The following FUBP3 variants were observed in gnomAD, a reference collection of about 807,000 sequenced individuals.
FUBP3 encodes far upstream element binding protein 3, also known as far upstream element-binding protein 3.
Under a neutral mutation model 85.6 loss-of-function variants are expected in FUBP3, and 28 were observed. The ratio of observed to expected loss-of-function variants is 0.33; its 90% CI spans 0.24 to 0.45. The LOEUF (loss-of-function observed/expected upper bound fraction) is 0.45. Among genes scored for constraint, FUBP3 ranks in the 20% least tolerant of loss-of-function variants. FUBP3 has a pLI of 1.00. For missense variants in FUBP3, 583 were observed against 755.1 expected (o/e 0.77, Z 2.67); for synonymous variants, 271 against 271.4 (o/e 1.00, Z 0.01).
intron 1 of FUBP3, among the ~76,000 whole-genome samples, chr9:130,589,675 G>GTGTA (rs869282275): frequency 1.3e-3 from 43 of 34,236 alleles, no homozygotes; most frequent in African/African-American, 2.8e-3. Flanking sequence ...GTATGTGTGT[G>GTGTA]TATATATATA....
In FUBP3 at chr9:130,635,957, C is replaced by G. The variant is rs200276455; in HGVS notation, c.1583-42C>G. On this transcript the variant is annotated intron_variant, in intron 17 of 18. Transcript: ENST00000319725. This position sits in a 1 kb window ranked among gnomAD's most constrained non-coding sequence, Gnocchi z 4.3. ...TTTGGGAAGGGTCCTGCCCAGTGCA[C>G]CTCCGCTCCCGATAACCTGTGTTTC... The G allele has an allele frequency of 1.2e-6, 2 of 1,602,024 alleles. No individual in the cohort carries two copies.
chr9:130,635,648 T>G lies in FUBP3; in HGVS notation c.1583-351T>G, dbSNP rs1349910974. 3.3e-5 allele frequency among the ~76,000 whole-genome samples: 5 copies of G among 152,014 alleles called. No individual in the cohort carries two copies. Among genetic ancestry groups the G allele is most frequent in the Non-Finnish European group, 5.9e-5 (4 of 67,976 alleles). On this transcript the variant is annotated intron_variant, in intron 17 of 18. Coordinates refer to ENST00000319725, the MANE Select transcript of FUBP3 (RefSeq NM_003934.2). The surrounding 1 kb of genome is among the most constrained non-coding windows in gnomAD (Gnocchi z 4.3). ...TTGGACACTATCACAGGCACCCAAG[T>G]TAGGTACTCCCCTTCTCCCCCACCC...
At chr9:130,629,855 G>A (rs1830140659) in intron 12 of FUBP3, among the ~76,000 whole-genome samples, 1 of 152,218 alleles carries the variant, frequency 6.6e-6, no homozygotes, top group Non-Finnish European at 1.5e-5. Context: ...CCACAGAGTT[G>A]AGCAGAGCAG....
intron 2 of FUBP3, among the ~76,000 whole-genome samples, chr9:130,607,609 G>A (rs528793370): frequency 6.6e-6 from 1 of 152,104 alleles, no homozygotes; most frequent in Non-Finnish European, 1.5e-5. Context: ...CCTCCTCATT[G>A]CGAAGACTGA....
At chr9:130,599,137 A>G (rs930622758) in intron 2 of FUBP3, among the ~76,000 whole-genome samples, 2 of 152,144 alleles carry the variant, frequency 1.3e-5, no homozygotes, top group African/African-American at 4.8e-5. Context: ...CTAAAAATAC[A>G]AAAAATTAGC....
intron 5 of FUBP3, among the ~76,000 whole-genome samples, chr9:130,613,419 T>A (rs1831850448): frequency 6.6e-6 from 1 of 152,232 alleles, no homozygotes; most frequent in Non-Finnish European, 1.5e-5. Flanking sequence ...TGGATGAGAC[T>A]GTCCCTTCCC....
chr9:130,603,337 ACT>A (rs1419481544), intron 2 of FUBP3, among the ~76,000 whole-genome samples: 1 of 113,322 alleles, frequency 8.8e-6, no homozygotes, highest in Non-Finnish European at 1.6e-5. Context: ...ACAGAGCAAG[ACT>A]CTGTCTCCAA....
At position 130,620,466 on chromosome 9, in the gene FUBP3, TA is replaced by T; in HGVS notation, c.771+11del. The T allele has an allele frequency of 7.0e-7, 1 of 1,430,128 alleles. No homozygotes were observed. 88.6% of individuals were successfully genotyped at this position (1,430,128 alleles called of 1,614,324 possible). ...GGAGGAGGCAGTATAGAGGTATGCT[TA>T]AATTACAGGTTAGTAGGCAAATGAG... On this transcript the variant is annotated intron_variant, in intron 9 of 18. Coordinates refer to ENST00000319725, the MANE Select transcript of FUBP3 (RefSeq NM_003934.2).
intron 6 of FUBP3, among the ~76,000 whole-genome samples, chr9:130,614,694 C>T (rs922292612): frequency 1.3e-5 from 2 of 152,194 alleles, no homozygotes; most frequent in African/African-American, 4.8e-5. Flanking sequence ...AAGCCAGTCA[C>T]TTGGTGAGCT....
At chr9:130,591,649 A>G (rs1830630364) in intron 1 of FUBP3, among the ~76,000 whole-genome samples, 1 of 152,200 alleles carries the variant, frequency 6.6e-6, no homozygotes, top group African/African-American at 2.4e-5. Context: ...CAGGGTTCAA[A>G]TGCAGTTTCC....
chr9:130,623,657 G>T lies in FUBP3; in HGVS notation c.921G>T (p.Pro307=). 6.2e-7 allele frequency: 1 copy of T among 1,613,986 alleles called. No individual in the cohort carries two copies. The highest frequency in any genetic ancestry group is 8.5e-7 in the Non-Finnish European group (1 of 1,179,916). Reference sequence around the variant, plus strand: ...GAGCTGCCCAGGTCATGGGCCCTCCGGATCGGTGTCAGCATGCAGCGCATA... The same window carrying T: ...GAGCTGCCCAGGTCATGGGCCCTCCTGATCGGTGTCAGCATGCAGCGCATA... ...PERAAQVMGP[P]DRCQHAAHII... The change falls in exon 11 of 19, where the codon CCG becomes CCT. Residue 307 remains proline, a synonymous_variant. Coordinates refer to ENST00000319725, the MANE Select transcript of FUBP3 (RefSeq NM_003934.2).
chr9:130,598,216 A>G (rs1045322077), intron 2 of FUBP3, among the ~76,000 whole-genome samples: 3 of 152,158 alleles, frequency 2.0e-5, no homozygotes, highest in African/African-American at 7.2e-5. Context: ...GCAATGGACT[A>G]ATGGGAGAAA....
At chr9:130,586,747 A>G (rs939505845) in intron 1 of FUBP3, among the ~76,000 whole-genome samples, 12 of 104,966 alleles carry the variant, frequency 1.1e-4, no homozygotes, top group African/African-American at 4.2e-4. Context: ...TGAAGCAGCA[A>G]TCTTTTTTTT....
In FUBP3 at chr9:130,612,446, T is replaced by A; in HGVS notation, c.225-10T>A. ...TCTGTATTTTTTTCCAAAATGTTCT[T>A]TGTTTTTAGGACGGTAATAACGGAA... is the stretch of plus-strand genomic sequence containing the variant. On this transcript the variant is annotated splice_polypyrimidine_tract_variant and intron_variant, in intron 3 of 18. Transcript: ENST00000319725. This position sits in a 1 kb window ranked among gnomAD's most constrained non-coding sequence, Gnocchi z 4.1. 1 of 1,580,680 alleles carries A rather than the reference T, an allele frequency of 6.3e-7. No homozygotes were observed. Among genetic ancestry groups the A allele is most frequent in the South Asian group, 1.1e-5 (1 of 89,098 alleles).
At chr9:130,584,713 A>T (rs1011809473) in intron 1 of FUBP3, among the ~76,000 whole-genome samples, 7 of 151,478 alleles carry the variant, frequency 4.6e-5, no homozygotes, top group Admixed American at 3.3e-4. Context: ...TACTAAAAAT[A>T]CAAAAATTAG....
At chr9:130,636,534 G>C (rs765750036) in intron 18 of FUBP3, among the ~76,000 whole-genome samples, 1 of 152,244 alleles carries the variant, frequency 6.6e-6, no homozygotes, top group Non-Finnish European at 1.5e-5. Flanking sequence ...AGCCATGCCC[G>C]GGCAGCAGCA....
chr9:130,630,716 G>A lies in FUBP3; in HGVS notation c.1206G>A (p.Leu402=), dbSNP rs765781595. 2 of 1,587,190 alleles carry A rather than the reference G, an allele frequency of 1.3e-6. No homozygotes were observed. The highest frequency in any genetic ancestry group is 2.4e-5 in the East Asian group (1 of 42,498). ...RNPPPNSDPN[L]RRFTIRGVPQ... ...CCCCTCCCAACAGCGACCCCAACCTGCGGAGATTCACCATCAGGGGGGTTC... is the reference window on the plus strand; with the variant it reads ...CCCCTCCCAACAGCGACCCCAACCTACGGAGATTCACCATCAGGGGGGTTC... The change falls in exon 13 of 19, where the codon CTG becomes CTA. Residue 402 remains leucine (L), a synonymous_variant. Transcript: ENST00000319725.
intron 2 of FUBP3, among the ~76,000 whole-genome samples, chr9:130,597,910 CAG>C (rs1714728395): frequency 6.6e-6 from 1 of 152,134 alleles, no homozygotes; most frequent in South Asian, 2.1e-4. Context: ...CAGCACGACA[CAG>C]AAACTTTCCT....
chr9:130,594,258 G>A (rs764812163), intron 1 of FUBP3, among the ~76,000 whole-genome samples: 1 of 151,840 alleles, frequency 6.6e-6, no homozygotes, highest in Non-Finnish European at 1.5e-5. Flanking sequence ...ACCAGCCTGG[G>A]CAACATATTG....
Sources: gnomAD v4.1 joint callset for allele counts (sites outside exome capture counted in the v4.1 genomes callset) on GRCh38, gnomAD v4.1.1 for gene constraint, Gnocchi (gnomAD v3.1) non-coding constraint, MANE v1.5 for transcripts, NCBI Gene and HGNC (gene_info 2026-07-23, HGNC 2026-07-21) for gene names.